SLC38A3: variants seen among roughly 807,000 people sequenced by gnomAD.
SLC38A3 encodes solute carrier family 38 member 3.
In SLC38A3, 17 loss-of-function variants were observed where a neutral mutation model predicts 59.5. The ratio of observed to expected loss-of-function variants is 0.29; its 90% CI spans 0.20 to 0.43. SLC38A3 has a LOEUF of 0.43. SLC38A3 is among the 20% of genes least tolerant of loss of function. SLC38A3 has a pLI of 1.00. For missense variants in SLC38A3, 454 were observed against 653.9 expected (o/e 0.69, Z 3.33); for synonymous variants, 238 against 260.3 (o/e 0.91, Z 0.82).
intron 1 of SLC38A3, among the ~76,000 whole-genome samples, chr3:50,210,637 G>A (rs1699711312): frequency 6.6e-6 from 1 of 152,204 alleles, no homozygotes; most frequent in Non-Finnish European, 1.5e-5. Flanking sequence ...GGTTCCTGGG[G>A]CTCAAAATCT....
At chr3:50,210,405 AG>A (rs1398308840) in intron 1 of SLC38A3, among the ~76,000 whole-genome samples, 1 of 152,328 alleles carries the variant, frequency 6.6e-6, no homozygotes, top group African/African-American at 2.4e-5. Flanking sequence ...AATAAGCTCC[AG>A]AGGGTCTGTG....
rs587709833 is a variant in SLC38A3, at chr3:50,219,109, C to G, written c.1306+161C>G. Among the ~76,000 whole-genome samples, 6 of 152,296 alleles carry G rather than the reference C, an allele frequency of 3.9e-5. No individual in the cohort carries two copies. The South Asian group carries it at 1.2e-3, about 32-fold the overall frequency. ...CTTTTGTCCATAGGCTATTCTAATC[C>G]CTTTTCAGGGCTCAGAGCCACTGAG... On this transcript the variant is annotated intron_variant, in intron 14 of 15. Transcript: ENST00000614032.
intron 1 of SLC38A3, chr3:50,207,415 A>G (rs1699662937): frequency 6.6e-6 from 1 of 152,194 alleles, no homozygotes; most frequent in Admixed American, 6.5e-5. Context: ...CCCAGGCCCA[A>G]GCAATTCTCC....
At position 50,206,380 on chromosome 3, in the gene SLC38A3, A is replaced by T. The variant is rs561671563; in HGVS notation, c.-52+1032A>T. Among the ~76,000 whole-genome samples the T allele has an allele frequency of 2.6e-4, 39 of 151,660 alleles. No individual in the cohort carries two copies. The South Asian group carries it at 6.7e-3, about 26-fold the overall frequency. On this transcript the variant is annotated intron_variant, in intron 1 of 15. Transcript: ENST00000614032. ...AACCCTGTCCTTTCTTCCATGACCGACTCTGGCCACAGAGCTGCCCCTGGA... is the reference window on the plus strand; with the variant it reads ...AACCCTGTCCTTTCTTCCATGACCGTCTCTGGCCACAGAGCTGCCCCTGGA...
rs1699806400 is a variant in SLC38A3 at position 50,215,582 on chromosome 3, GGGA to G, written c.413_415del (p.Gly138_Thr139delinsAla). On this transcript the variant is annotated inframe_deletion, in exon 6 of 16. Coordinates refer to ENST00000614032, the MANE Select transcript of SLC38A3 (RefSeq NM_006841.6). This position sits in a 1 kb window ranked among gnomAD's most constrained non-coding sequence, Gnocchi z 7.1. ...TGAGCAGCTGGGCTACCGTGCCTTT[GGGA>G]CCCCAGGAAAGCTGGCAGCAGCCCT... 1 of 1,613,692 alleles carries G rather than the reference GGGA, an allele frequency of 6.2e-7. No individual in the cohort carries two copies. Among genetic ancestry groups the G allele is most frequent in the Admixed American group, 1.7e-5 (1 of 59,986 alleles).
chr3:50,216,976 T>C (rs750218008), intron 7 of SLC38A3, among the ~76,000 whole-genome samples: 1 of 152,174 alleles, frequency 6.6e-6, no homozygotes, highest in Non-Finnish European at 1.5e-5. Flanking sequence ...GGTTTCACCA[T>C]GTTGGTCAGG....
At chr3:50,213,282 C>G (rs1271945381) in intron 1 of SLC38A3, among the ~76,000 whole-genome samples, 1 of 152,186 alleles carries the variant, frequency 6.6e-6, no homozygotes, top group African/African-American at 2.4e-5. Context: ...GGGTCCACTC[C>G]TGGACAGCGG....
rs1699853103 is a variant in SLC38A3 at position 50,218,410 on chromosome 3, G to A, written c.1036+40G>A. ...GTGGGCAGAGGCCTAGGCTAGGCTGGGGGGAAGGGGCTGGTTGTGGCCATG... is the reference window on the plus strand; with the variant it reads ...GTGGGCAGAGGCCTAGGCTAGGCTGAGGGGAAGGGGCTGGTTGTGGCCATG... On this transcript the variant is annotated intron_variant, in intron 12 of 15. Coordinates refer to ENST00000614032, the MANE Select transcript of SLC38A3 (RefSeq NM_006841.6). This position sits in a 1 kb window ranked among gnomAD's most constrained non-coding sequence, Gnocchi z 5.8. 1 of 1,550,310 alleles carries A rather than the reference G, an allele frequency of 6.5e-7. No homozygotes were observed. Among genetic ancestry groups the A allele is most frequent in the Non-Finnish European group, 8.9e-7 (1 of 1,122,080 alleles).
chr3:50,209,610 C>T (rs562346663), intron 1 of SLC38A3, among the ~76,000 whole-genome samples: 1 of 151,178 alleles, frequency 6.6e-6, no homozygotes, highest in African/African-American at 2.4e-5. Flanking sequence ...GATCACGCCA[C>T]TGCACTCCAG....
In SLC38A3 at chr3:50,218,273, C is replaced by T. The variant is rs1200503255; in HGVS notation, c.939C>T (p.Pro313=). The T allele has an allele frequency of 3.1e-6, 5 of 1,609,760 alleles. No individual in the cohort carries two copies. In the South Asian group the frequency reaches 5.5e-5, roughly 18 times the overall value. Reference sequence around the variant, plus strand: ...CCACCCCCCCACTTCCCCACAGCCCCTCCAAGAAGAAGATGCAGCACATCT... The same window carrying T: ...CCACCCCCCCACTTCCCCACAGCCCTTCCAAGAAGAAGATGCAGCACATCT... The part of the protein sequence containing the change: ...VLPIYTELKD[P]SKKKMQHISN... Residue 313 remains proline (P), a synonymous_variant, in exon 12 of 16, where the codon CCC becomes CCT. Coordinates refer to ENST00000614032, the MANE Select transcript of SLC38A3 (RefSeq NM_006841.6). The surrounding 1 kb of genome is among the most constrained non-coding windows in gnomAD (Gnocchi z 5.8).
Position 50,217,921 on chromosome 3 carries a change from C to T in SLC38A3, c.860C>T (p.Ala287Val), listed in dbSNP as rs1394112137. The T allele has an allele frequency of 1.2e-6, 2 of 1,614,038 alleles. No individual in the cohort carries two copies. The highest frequency in any genetic ancestry group is 2.2e-5 in the East Asian group (1 of 44,876). ...PSYFTLNSQT[A>V]YTIPIMAFAF... Reference sequence around the variant, plus strand: ...CACAGCCCCGTGTTTCCCCAGACAGCATACACCATCCCCATCATGGCCTTC... The same window carrying T: ...CACAGCCCCGTGTTTCCCCAGACAGTATACACCATCCCCATCATGGCCTTC... Residue 287 changes from alanine to valine, a missense_variant, in exon 11 of 16, where the codon GCA becomes GTA. This residue lies in a region of SLC38A3 where 390 missense variants were observed against 557.9 expected (regional missense o/e 0.70). Transcript: ENST00000614032. The surrounding 1 kb of genome is among the most constrained non-coding windows in gnomAD (Gnocchi z 4.9).
intron 1 of SLC38A3, among the ~76,000 whole-genome samples, chr3:50,209,377 A>G (rs1559752402): frequency 6.6e-6 from 1 of 152,156 alleles, no homozygotes; most frequent in Admixed American, 6.5e-5. Context: ...GGCCGGGCGC[A>G]GTGGCTCAAG....
chr3:50,219,767 C>G (rs1699870802), intron 14 of SLC38A3, 114 bp from the exon 15 acceptor site: 1 of 847,656 alleles, frequency 1.2e-6, no homozygotes, highest in African/African-American at 1.7e-5. Flanking sequence ...CTCCAGTGGT[C>G]TCAACATGAA....
chr3:50,214,536 G>A lies in SLC38A3; in HGVS notation c.183+53G>A. 6.7e-7 allele frequency: 1 copy of A among 1,503,548 alleles called. No homozygotes were observed. Among genetic ancestry groups the A allele is most frequent in the South Asian group, 1.2e-5 (1 of 83,390 alleles). The allele number at this position is 1,503,548 out of a possible 1,614,324, so 93.1% of individuals were successfully genotyped here. A position where few individuals can be genotyped will look rare whatever the true frequency, so the allele number is the denominator to read the frequency against. On this transcript the variant is annotated intron_variant, in intron 3 of 15. Transcript: ENST00000614032. The surrounding 1 kb of genome is among the most constrained non-coding windows in gnomAD (Gnocchi z 6.0). ...GGACACTGTGGGGAGCTTGGATGCA[G>A]TAATGAGGTGGTCTCTGGCAGCAGT... is the stretch of plus-strand genomic sequence containing the variant.
Position 50,221,055 on chromosome 3 carries a change from T to A in SLC38A3, c.*878T>A, listed in dbSNP as rs1699888625. The A allele has an allele frequency of 6.6e-6, 1 of 152,278 alleles. No homozygotes were observed. Among genetic ancestry groups the A allele is most frequent in the Non-Finnish European group, 1.5e-5 (1 of 68,108 alleles). 9.4% of individuals were successfully genotyped at this position (152,278 alleles called of 1,614,324 possible). On this transcript the variant is annotated 3_prime_UTR_variant, in exon 16 of 16. Transcript: ENST00000614032. ...GTACGGGCCAGAACATGGATGGTGATGGAGGGCCCCCGTCTCCTTGTCTGG... is the reference window on the plus strand; with the variant it reads ...GTACGGGCCAGAACATGGATGGTGAAGGAGGGCCCCCGTCTCCTTGTCTGG...
At position 50,209,371 on chromosome 3, in the gene SLC38A3, G is replaced by A. The variant is rs540402830; in HGVS notation, c.-52+4023G>A. Among the ~76,000 whole-genome samples the A allele has an allele frequency of 9.8e-5, 15 of 152,318 alleles. No homozygotes were observed. The East Asian group carries it at 2.3e-3, about 23-fold the overall frequency. ...TTAGAAAACGTACCTGGCCATGGCCGGGCGCAGTGGCTCAAGCCTGTAATC... is the reference window on the plus strand; with the variant it reads ...TTAGAAAACGTACCTGGCCATGGCCAGGCGCAGTGGCTCAAGCCTGTAATC... On this transcript the variant is annotated intron_variant, in intron 1 of 15. Transcript: ENST00000614032.
rs866249968 is a variant in SLC38A3 at position 50,220,343 on chromosome 3, C to T, written c.*166C>T. ...CTGTGGAAGGTTTTTGTTCAAGAGC[C>T]AGGACCAAGGCCCTTGGGCCACTAC... On this transcript the variant is annotated 3_prime_UTR_variant, in exon 16 of 16. Coordinates refer to ENST00000614032, the MANE Select transcript of SLC38A3 (RefSeq NM_006841.6). The T allele has an allele frequency of 3.2e-6, 2 of 630,286 alleles. No homozygotes were observed. Among genetic ancestry groups the T allele is most frequent in the South Asian group, 1.9e-5 (1 of 53,108 alleles). 39.0% of individuals were successfully genotyped at this position (630,286 alleles called of 1,614,324 possible). A position where few individuals can be genotyped will look rare whatever the true frequency, so the allele number is the denominator to read the frequency against.
chr3:50,217,619 A>C lies in SLC38A3; in HGVS notation c.691-57A>C. ...CTGATCTAGATGTGGCTTCATGGTG[A>C]CTTCCCAGGCAGTCCAGCCTGGGAG... On this transcript the variant is annotated intron_variant, in intron 9 of 15. Transcript: ENST00000614032. The surrounding 1 kb of genome is among the most constrained non-coding windows in gnomAD (Gnocchi z 4.9). 1 of 1,601,464 alleles carries C rather than the reference A, an allele frequency of 6.2e-7. No individual in the cohort carries two copies.
In SLC38A3 at chr3:50,218,877, T is replaced by C. The variant is rs777175920; in HGVS notation, c.1235T>C (p.Val412Ala). 2 of 1,613,600 alleles carry C rather than the reference T, an allele frequency of 1.2e-6. No homozygotes were observed. Among genetic ancestry groups the C allele is most frequent in the Admixed American group, 1.7e-5 (1 of 59,992 alleles). Residue 412 changes from valine (V) to alanine (A), a missense_variant, in exon 14 of 16, where the codon GTT becomes GCT. Physicochemically the swap from Val to Ala is moderately conservative, Grantham distance 64. This residue lies in a region of SLC38A3 where 390 missense variants were observed against 557.9 expected (regional missense o/e 0.70). Coordinates refer to ENST00000614032, the MANE Select transcript of SLC38A3 (RefSeq NM_006841.6). This position sits in a 1 kb window ranked among gnomAD's most constrained non-coding sequence, Gnocchi z 5.8. ...FSWLRHVLIA[V>A]GLLTCINLLV... ...TGGCTGCGGCATGTGCTTATTGCCGTTGGCCTGCTCACTTGTATCAACCTG... is the reference window on the plus strand; with the variant it reads ...TGGCTGCGGCATGTGCTTATTGCCGCTGGCCTGCTCACTTGTATCAACCTG...
Sources: gnomAD v4.1 joint callset for allele counts (sites outside exome capture counted in the v4.1 genomes callset) on GRCh38, gnomAD v4.1.1 for gene constraint, gnomAD v4.1.1 regional missense constraint, Gnocchi (gnomAD v3.1) non-coding constraint, MANE v1.5 for transcripts, NCBI Gene and HGNC (gene_info 2026-07-23, HGNC 2026-07-21) for gene names.